The following MBD5 variants were observed in gnomAD, a reference collection of about 807,000 sequenced individuals.
The protein encoded by MBD5 is methyl-CpG binding domain protein 5.
MBD5 carries 13 observed loss-of-function variants against 117.3 expected under a neutral mutation model. That is an observed-to-expected ratio of 0.11 (90% CI 0.07 to 0.18). MBD5 has a LOEUF of 0.18. MBD5 is among the 10% of genes least tolerant of loss of function. The pLI is 1.00. For missense variants in MBD5, 1,879 were observed against 2,093.8 expected (o/e 0.90, Z 2.00); for synonymous variants, 727 against 766.4 (o/e 0.95, Z 0.85).
chr2:148,376,949 G>A (rs1339002874), intron 4 of MBD5, among the ~76,000 whole-genome samples: 1 of 145,444 alleles, frequency 6.9e-6, no homozygotes, highest in East Asian at 2.0e-4. Flanking sequence ...AGTACTTATT[G>A]AATGCTTTCT....
At chr2:148,279,634 C>G (rs1238685742) in intron 3 of MBD5, among the ~76,000 whole-genome samples, 1 of 152,206 alleles carries the variant, frequency 6.6e-6, no homozygotes, top group Non-Finnish European at 1.5e-5. Flanking sequence ...CTTAGAATAT[C>G]ATTTCCATTC....
chr2:148,489,483 C>T lies in MBD5; in HGVS notation c.3851C>T (p.Pro1284Leu), dbSNP rs761872951. Residue 1284 changes from proline (P) to leucine (L), a missense_variant, in exon 11 of 14, where the codon CCT becomes CTT. Coordinates refer to ENST00000642680, the MANE Select transcript of MBD5 (RefSeq NM_001378120.1). ...LPENPNTTLPPFQDTPCELQP... is the reference protein window; with the variant it reads ...LPENPNTTLPLFQDTPCELQP... Reference sequence around the variant, plus strand: ...GAGAATCCAAACACTACACTTCCACCTTTTCAAGATACACCTTGTGAGTTG... The same window carrying T: ...GAGAATCCAAACACTACACTTCCACTTTTTCAAGATACACCTTGTGAGTTG... 6.2e-7 allele frequency: 1 copy of T among 1,614,188 alleles called. No individual in the cohort carries two copies. The highest frequency in any genetic ancestry group is 8.5e-7 in the Non-Finnish European group (1 of 1,180,028).
chr2:148,315,227 C>T (rs555660992), intron 3 of MBD5, among the ~76,000 whole-genome samples: 1 of 152,224 alleles, frequency 6.6e-6, no homozygotes, highest in South Asian at 2.1e-4. Flanking sequence ...CATTTTAATC[C>T]TGTTACTACC....
At chr2:148,285,335 T>A (rs978801270) in intron 3 of MBD5, among the ~76,000 whole-genome samples, 1 of 152,312 alleles carries the variant, frequency 6.6e-6, no homozygotes, top group Non-Finnish European at 1.5e-5. Flanking sequence ...TACAACCTCT[T>A]TTTTCTCATC....
chr2:148,151,842 A>C (rs1332539431), intron 1 of MBD5, among the ~76,000 whole-genome samples: 2 of 151,008 alleles, frequency 1.3e-5, no homozygotes, highest in African/African-American at 4.9e-5. Flanking sequence ...TTCTTTCTTT[A>C]TTCGTCTTGC....
chr2:148,177,708 G>A (rs1205633600), intron 1 of MBD5, among the ~76,000 whole-genome samples: 1 of 152,076 alleles, frequency 6.6e-6, no homozygotes, highest in Non-Finnish European at 1.5e-5. Flanking sequence ...CTGAGCCCTG[G>A]CCCTACCTCA....
chr2:148,058,886 C>A (rs1160198310), intron 1 of MBD5, among the ~76,000 whole-genome samples: 4 of 152,066 alleles, frequency 2.6e-5, no homozygotes, highest in African/African-American at 9.7e-5. Flanking sequence ...AACATAGTGG[C>A]CTTATATGAG....
At chr2:148,360,514 A>G (rs1291870094) in intron 4 of MBD5, among the ~76,000 whole-genome samples, 1 of 152,198 alleles carries the variant, frequency 6.6e-6, no homozygotes, top group Admixed American at 6.5e-5. Flanking sequence ...TATTTTATGT[A>G]GGAATTATTT....
chr2:148,511,689 T>C (rs1682218958), intron 13 of MBD5, among the ~76,000 whole-genome samples: 1 of 152,218 alleles, frequency 6.6e-6, no homozygotes, highest in African/African-American at 2.4e-5. Context: ...GCAGTCTCAG[T>C]TATAAAAAGT....
chr2:148,341,879 A>G (rs556970119), intron 3 of MBD5, among the ~76,000 whole-genome samples: 7 of 147,682 alleles, frequency 4.7e-5, no homozygotes, highest in African/African-American at 1.5e-4. Flanking sequence ...AGAGAATTAA[A>G]TGAGATATAA....
intron 4 of MBD5, among the ~76,000 whole-genome samples, chr2:148,364,478 A>T (rs1054874645): frequency 6.6e-6 from 1 of 152,226 alleles, no homozygotes; most frequent in Non-Finnish European, 1.5e-5. Flanking sequence ...TGACAGGATC[A>T]AATTCACACA....
chr2:148,087,204 G>A (rs982723095), intron 1 of MBD5, among the ~76,000 whole-genome samples: 2 of 152,156 alleles, frequency 1.3e-5, no homozygotes, highest in Admixed American at 6.5e-5. Flanking sequence ...TGCAAATTCT[G>A]TGAGACTGGC....
At chr2:148,449,392 C>T (rs890711721) in intron 4 of MBD5, among the ~76,000 whole-genome samples, 59 of 151,792 alleles carry the variant, frequency 3.9e-4, no homozygotes, top group Non-Finnish European at 8.8e-5. Flanking sequence ...AAGCTCAGTT[C>T]GTAATAATTT....
intron 1 of MBD5, chr2:148,028,032 G>C (rs1426379990): frequency 6.6e-6 from 1 of 152,016 alleles, no homozygotes; most frequent in African/African-American, 2.4e-5. Flanking sequence ...ATGACTCACT[G>C]TAACTCACTA....
intron 4 of MBD5, among the ~76,000 whole-genome samples, chr2:148,408,850 C>G (rs1011340924): frequency 4.6e-5 from 7 of 151,622 alleles, no homozygotes; most frequent in Admixed American, 4.6e-4. Context: ...TGTCCTTATT[C>G]TGTAAACAAT....
At chr2:148,375,061 T>C (rs1703956478) in intron 4 of MBD5, among the ~76,000 whole-genome samples, 1 of 152,182 alleles carries the variant, frequency 6.6e-6, no homozygotes, top group Admixed American at 6.5e-5. Flanking sequence ...GTCTCAGACT[T>C]CTCATATTTT....
chr2:148,412,272 T>TG (rs1705276880), intron 4 of MBD5, among the ~76,000 whole-genome samples: 1,512 of 144,582 alleles, frequency 0.01, 13 homozygotes, highest in African/African-American at 0.035. Context: ...AGTATACTTT[T>TG]TGTGTGTGTG....
At chr2:148,024,403 C>T (rs999691543) in intron 1 of MBD5, among the ~76,000 whole-genome samples, 1 of 152,128 alleles carries the variant, frequency 6.6e-6, no homozygotes, top group Non-Finnish European at 1.5e-5. Context: ...CTTATAAATG[C>T]TTACTTGTGA....
chr2:148,373,200 A>G lies in MBD5; in HGVS notation c.-557+30864A>G, dbSNP rs529754476. ...AAGGCCTGTTTTTGAATAGGTTTCA[A>G]TATTCAAAGCTTTCAGAGAACAGAG... On this transcript the variant is annotated intron_variant, in intron 4 of 13. Coordinates refer to ENST00000642680, the MANE Select transcript of MBD5 (RefSeq NM_001378120.1). Among the ~76,000 whole-genome samples, 3 of 152,284 alleles carry G rather than the reference A, an allele frequency of 2.0e-5. No homozygotes were observed. In the East Asian group the frequency reaches 5.8e-4, roughly 29 times the overall value.
Sources: allele counts gnomAD v4.1 joint callset (sites outside exome capture counted in the v4.1 genomes callset), GRCh38; gene constraint gnomAD v4.1.1; transcripts MANE v1.5; gene names NCBI Gene and HGNC (gene_info 2026-07-23, HGNC 2026-07-21).